EXOC4: variants seen among roughly 807,000 people sequenced by gnomAD.
The protein encoded by EXOC4 is exocyst complex component 4.
Under a neutral mutation model 107.2 loss-of-function variants are expected in EXOC4, and 71 were observed. The ratio of observed to expected loss-of-function variants is 0.66; its 90% CI spans 0.55 to 0.81. EXOC4 has a LOEUF of 0.81. Among genes scored for constraint, EXOC4 ranks in the 30% least tolerant of loss-of-function variants. The probability of loss-of-function intolerance (pLI) is 0.00; values close to 1 mark genes in which losing one functional copy is unlikely to be tolerated. For synonymous variants in EXOC4, 456 were observed against 441.2 expected, an observed-to-expected ratio of 1.03 and a Z score of -0.42; for missense variants, 1,108 against 1,189.6, an observed-to-expected ratio of 0.93 and a Z score of 1.01.
At chr7:133,536,919 C>A (rs1433818857) in intron 9 of EXOC4, among the ~76,000 whole-genome samples, 1 of 152,104 alleles carries the variant, frequency 6.6e-6, no homozygotes, top group Non-Finnish European at 1.5e-5. Flanking sequence ...GTTGCCCACA[C>A]TGACTAACTC....
At chr7:133,370,658 A>T (rs888419205) in intron 6 of EXOC4, among the ~76,000 whole-genome samples, 1 of 152,232 alleles carries the variant, frequency 6.6e-6, no homozygotes, top group African/African-American at 2.4e-5. Context: ...GCAGGTTTGC[A>T]CTAAGCAGTT....
chr7:133,468,183 C>T (rs557002443), intron 7 of EXOC4, among the ~76,000 whole-genome samples: 47 of 152,258 alleles, frequency 3.1e-4, no homozygotes, highest in African/African-American at 1.1e-3. Flanking sequence ...TACATGTGTA[C>T]TCTTGGAAGT....
intron 6 of EXOC4, among the ~76,000 whole-genome samples, chr7:133,362,720 A>G (rs887592221): frequency 1.3e-5 from 2 of 152,156 alleles, no homozygotes; most frequent in Admixed American, 6.5e-5. Context: ...TATGAATACA[A>G]TGTTTATGGA....
intron 5 of EXOC4, among the ~76,000 whole-genome samples, chr7:133,331,279 G>A (rs1002902724): frequency 9.2e-5 from 14 of 151,872 alleles, no homozygotes; most frequent in Admixed American, 4.6e-4. Context: ...GGAAAAATTG[G>A]CATTTATCTG....
At chr7:133,742,479 A>G (rs1199124373) in intron 10 of EXOC4, among the ~76,000 whole-genome samples, 3 of 152,242 alleles carry the variant, frequency 2.0e-5, no homozygotes, top group Non-Finnish European at 4.4e-5. Flanking sequence ...CCTTGATAGC[A>G]ATTTAAGATT....
intron 13 of EXOC4, among the ~76,000 whole-genome samples, chr7:133,924,622 T>C (rs940450746): frequency 1.3e-5 from 2 of 152,206 alleles, no homozygotes; most frequent in African/African-American, 4.8e-5. Flanking sequence ...AAGCAAAGTG[T>C]AATCTTAAGT....
At chr7:134,026,902 C>G (rs1025903887) in intron 17 of EXOC4, among the ~76,000 whole-genome samples, 1 of 152,116 alleles carries the variant, frequency 6.6e-6, no homozygotes, top group Admixed American at 6.5e-5. Flanking sequence ...TAGGATGTTT[C>G]TGATCCTCTG....
chr7:133,895,586 T>C lies in EXOC4; in HGVS notation c.1735-13T>C, dbSNP rs375245669. 2 of 1,613,096 alleles carry C rather than the reference T, an allele frequency of 1.2e-6. No homozygotes were observed. Among genetic ancestry groups the C allele is most frequent in the Non-Finnish European group, 1.7e-6 (2 of 1,179,366 alleles). On this transcript the variant is annotated splice_polypyrimidine_tract_variant and intron_variant, in intron 11 of 17. Transcript: ENST00000253861. Reference sequence around the variant, plus strand: ...CAGAAATCTCATATCCTCTCTTTGTTGTTCATTTCCAGAGCACAATCATTG... The same window carrying C: ...CAGAAATCTCATATCCTCTCTTTGTCGTTCATTTCCAGAGCACAATCATTG...
At chr7:133,383,425 T>C (rs1345453785) in intron 7 of EXOC4, among the ~76,000 whole-genome samples, 1 of 152,204 alleles carries the variant, frequency 6.6e-6, no homozygotes, top group Non-Finnish European at 1.5e-5. Flanking sequence ...CTAGAACAAG[T>C]CACTTTACTT....
chr7:133,285,065 T>A (rs1159599813), intron 2 of EXOC4, among the ~76,000 whole-genome samples: 1 of 152,188 alleles, frequency 6.6e-6, no homozygotes, highest in Admixed American at 6.5e-5. Flanking sequence ...CTTAGCCCCC[T>A]TCCCAATCTC....
chr7:133,317,485 GGC>G lies in EXOC4; in HGVS notation c.763+96_763+97del, dbSNP rs1196275474. ...GCTTTTTGGGGGCTGAGCTAGGTTG[GGC>G]TGGGCTAGGTGGGCCTGAGCTAGGT... On this transcript the variant is annotated intron_variant, in intron 5 of 17. Coordinates refer to ENST00000253861, the MANE Select transcript of EXOC4 (RefSeq NM_021807.4). The G allele has an allele frequency of 1.3e-5, 11 of 834,154 alleles. No homozygotes were observed. The East Asian group carries it at 2.7e-4, about 21-fold the overall frequency. 51.7% of individuals were successfully genotyped at this position (834,154 alleles called of 1,614,324 possible). A position where few individuals can be genotyped will look rare whatever the true frequency, so the allele number is the denominator to read the frequency against.
At chr7:133,573,772 G>T (rs574912390) in intron 9 of EXOC4, among the ~76,000 whole-genome samples, 1 of 152,196 alleles carries the variant, frequency 6.6e-6, no homozygotes, top group East Asian at 1.9e-4. Context: ...TCCCACCTTG[G>T]CCTCACAAAG....
At chr7:133,461,016 A>G (rs769381174) in intron 7 of EXOC4, among the ~76,000 whole-genome samples, 9 of 152,204 alleles carry the variant, frequency 5.9e-5, no homozygotes, top group Non-Finnish European at 1.2e-4. Context: ...GGAATTTAAA[A>G]GATAACTTTA....
intron 14 of EXOC4, among the ~76,000 whole-genome samples, chr7:133,944,878 C>G (rs1172234070): frequency 6.6e-6 from 1 of 151,938 alleles, no homozygotes; most frequent in Non-Finnish European, 1.5e-5. Flanking sequence ...ATGTATACAA[C>G]CATATTAATT....
At chr7:133,936,242 C>T (rs531145398) in intron 13 of EXOC4, among the ~76,000 whole-genome samples, 1 of 152,278 alleles carries the variant, frequency 6.6e-6, no homozygotes, top group East Asian at 1.9e-4. Context: ...GTGACGTTTC[C>T]TTTAAAAAAG....
At chr7:133,438,110 C>G (rs1322553272) in intron 7 of EXOC4, among the ~76,000 whole-genome samples, 1 of 152,172 alleles carries the variant, frequency 6.6e-6, no homozygotes, top group Non-Finnish European at 1.5e-5. Flanking sequence ...TAGTTCAGAT[C>G]TGTCTTTGTC....
intron 9 of EXOC4, among the ~76,000 whole-genome samples, chr7:133,568,073 C>T (rs1360669172): frequency 6.6e-6 from 1 of 152,156 alleles, no homozygotes; most frequent in Non-Finnish European, 1.5e-5. Flanking sequence ...TGACTCATTC[C>T]CATTCTGATA....
intron 9 of EXOC4, among the ~76,000 whole-genome samples, chr7:133,512,955 A>T (rs1799800464): frequency 6.6e-6 from 1 of 152,012 alleles, no homozygotes; most frequent in Non-Finnish European, 1.5e-5. Context: ...AAATACAAAA[A>T]CTAGCCGGGC....
chr7:134,041,677 T>G (rs1431927122), intron 17 of EXOC4, among the ~76,000 whole-genome samples: 6 of 152,162 alleles, frequency 3.9e-5, no homozygotes, highest in Non-Finnish European at 8.8e-5. Context: ...AATTAAAGAT[T>G]TAGATAAGTG....
Sources: gnomAD v4.1 joint callset for allele counts (sites outside exome capture counted in the v4.1 genomes callset) on GRCh38, gnomAD v4.1.1 for gene constraint, MANE v1.5 for transcripts, NCBI Gene and HGNC (gene_info 2026-07-23, HGNC 2026-07-21) for gene names.